The following TMEM130 variants were observed in gnomAD, a reference collection of about 807,000 sequenced individuals.
TMEM130 encodes the protein transmembrane protein 130.
In TMEM130, 37 loss-of-function variants were observed where a neutral mutation model predicts 42.9. The observed-to-expected ratio is 0.86, with a 90% CI of 0.66 to 1.13. TMEM130 has a LOEUF of 1.13. Ranked by LOEUF, TMEM130 falls within the 50% of genes most tolerant of loss-of-function variation. The probability of loss-of-function intolerance (pLI) is 0.00; values close to 1 mark genes in which losing one functional copy is unlikely to be tolerated. For synonymous variants in TMEM130, 259 were observed against 237.7 expected, an observed-to-expected ratio of 1.09 and a Z score of -0.82; for missense variants, 545 against 562.6, an observed-to-expected ratio of 0.97 and a Z score of 0.32.
intron 5 of TMEM130, among the ~76,000 whole-genome samples, chr7:98,852,382 G>A (rs972489878): frequency 1.2e-4 from 18 of 151,918 alleles, no homozygotes; most frequent in East Asian, 2.0e-4. Context: ...CGCCCGCCTC[G>A]GCCTCCCAAA....
intron 6 of TMEM130, among the ~76,000 whole-genome samples, chr7:98,849,284 T>A (rs1439371694): frequency 6.6e-6 from 1 of 152,182 alleles, no homozygotes; most frequent in Non-Finnish European, 1.5e-5. Context: ...GGCTACCTCA[T>A]GCTAATGCTG....
At chr7:98,867,721 G>T (rs993232508) in intron 1 of TMEM130, among the ~76,000 whole-genome samples, 1 of 152,110 alleles carries the variant, frequency 6.6e-6, no homozygotes, top group South Asian at 2.1e-4. Flanking sequence ...ATGGGAGCCC[G>T]CCGACTCCCC....
At chr7:98,863,588 TCA>T (rs782772512) in intron 1 of TMEM130, among the ~76,000 whole-genome samples, 188 bp from the exon 2 acceptor site, 7 of 151,920 alleles carry the variant, frequency 4.6e-5, no homozygotes, top group Non-Finnish European at 1.0e-4. Context: ...TGACTCCAAA[TCA>T]CAGTCTTTTC....
At chr7:98,859,523 G>A (rs1301592759) in intron 3 of TMEM130, among the ~76,000 whole-genome samples, 12 of 152,086 alleles carry the variant, frequency 7.9e-5, no homozygotes, top group South Asian at 4.1e-4. Context: ...ACCCCCAGTC[G>A]TGGCAGAGAG....
intron 1 of TMEM130, among the ~76,000 whole-genome samples, chr7:98,864,598 G>GT (rs1794868223): frequency 6.6e-6 from 1 of 150,498 alleles, no homozygotes. Flanking sequence ...CTCTGTCAGG[G>GT]TTAAAGGATC....
chr7:98,851,972 G>A (rs1185319711), intron 5 of TMEM130, among the ~76,000 whole-genome samples: 1 of 151,936 alleles, frequency 6.6e-6, no homozygotes, highest in Non-Finnish European at 1.5e-5. Flanking sequence ...TACGAGACAG[G>A]GACTCACTCT....
rs1293283791 is a variant in TMEM130, at chr7:98,869,465, A to G, written c.85+312T>C. On this transcript the variant is annotated intron_variant, in intron 1 of 7. Coordinates refer to ENST00000339375, the MANE Select transcript of TMEM130 (RefSeq NM_152913.3). The surrounding 1 kb of genome is among the most constrained non-coding windows in gnomAD (Gnocchi z 4.7). ...CGTCCTCCCCTCCCTTAGCGGGTGC[A>G]TGGTCCCCAGGCATCGACGGATGCG... 1.1e-6 allele frequency: 1 copy of G among 888,644 alleles called. No homozygotes were observed. The highest frequency in any genetic ancestry group is 6.2e-5 in the Admixed American group (1 of 16,140). The allele number at this position is 888,644 out of a possible 1,614,324, so 55.0% of individuals were successfully genotyped here.
chr7:98,865,334 G>C (rs1035462196), intron 1 of TMEM130, among the ~76,000 whole-genome samples: 1 of 152,208 alleles, frequency 6.6e-6, no homozygotes, highest in South Asian at 2.1e-4. Context: ...CTGGCCAGGC[G>C]TGGTGGCTCA....
In TMEM130 at chr7:98,860,320, A is replaced by G. The variant is rs1562909922; in HGVS notation, c.410T>C (p.Leu137Pro). The G allele has an allele frequency of 1.3e-6, 2 of 1,596,448 alleles. No individual in the cohort carries two copies. Among genetic ancestry groups the G allele is most frequent in the Non-Finnish European group, 1.7e-6 (2 of 1,169,812 alleles). The stretch of plus-strand genomic sequence containing the variant: ...TAGGGAAGTGTTCTGGGTGACAACA[A>G]GGTCCCCCACGAGGAACTCTGGGAG... ...LPITEFLVGD[L>P]VVTQNTSLPW... Residue 137 changes from leucine (L) to proline (P), a missense_variant, in exon 3 of 8, where the codon CTT becomes CCT. Leu to Pro is a moderately conservative substitution (Grantham distance 98). Transcript: ENST00000339375.
chr7:98,849,669 A>T (rs1554397903), intron 6 of TMEM130, among the ~76,000 whole-genome samples: 1 of 152,178 alleles, frequency 6.6e-6, no homozygotes, highest in Non-Finnish European at 1.5e-5. Flanking sequence ...CTTGAAGACA[A>T]GTGCAGCTGG....
At chr7:98,849,185 C>T (rs1794433138) in intron 6 of TMEM130, among the ~76,000 whole-genome samples, 1 of 152,148 alleles carries the variant, frequency 6.6e-6, no homozygotes. Flanking sequence ...CAGGCTCACC[C>T]AATAAACCTG....
chr7:98,862,994 C>T, intron 2 of TMEM130, 101 bp downstream of exon 2: 1 of 1,312,256 alleles, frequency 7.6e-7, no homozygotes, highest in Non-Finnish European at 1.0e-6. Flanking sequence ...CCCCCAGAAC[C>T]TACGGGCCTA....
chr7:98,852,588 T>C (rs1441561613), intron 5 of TMEM130, among the ~76,000 whole-genome samples: 1 of 151,684 alleles, frequency 6.6e-6, no homozygotes, highest in East Asian at 1.9e-4. Context: ...TTTGTTTGTT[T>C]TGTTTTTGTT....
intron 1 of TMEM130, among the ~76,000 whole-genome samples, chr7:98,864,908 A>G (rs1794873859): frequency 6.6e-6 from 1 of 152,094 alleles, no homozygotes. Context: ...CTCAAAAACA[A>G]AAGAAAACAA....
chr7:98,860,942 C>CAAAA (rs3066865), intron 2 of TMEM130, among the ~76,000 whole-genome samples: 7 of 69,500 alleles, frequency 1.0e-4, no homozygotes, highest in African/African-American at 1.7e-4. Context: ...GACTCTGTCT[C>CAAAA]AAAAAAAAAA....
chr7:98,851,329 C>G lies in TMEM130; in HGVS notation c.1006+92G>C, dbSNP rs1554398178. 7 of 1,339,306 alleles carry G rather than the reference C, an allele frequency of 5.2e-6. No individual in the cohort carries two copies. In the South Asian group the frequency reaches 8.8e-5, roughly 17 times the overall value. 83.0% of individuals were successfully genotyped at this position (1,339,306 alleles called of 1,614,324 possible). ...TTTGTTGCTGAGGACCTTGGTAAGG[C>G]TGGCTGGTAGGAGCGTATTGGTGGT... On this transcript the variant is annotated intron_variant, in intron 6 of 7. Transcript: ENST00000339375.
chr7:98,856,079 GGCTCCA>G lies in TMEM130; in HGVS notation c.650_655del (p.Val217_Pro219delinsAla). 1 of 1,613,808 alleles carries G rather than the reference GGCTCCA, an allele frequency of 6.2e-7. No individual in the cohort carries two copies. The highest frequency in any genetic ancestry group is 8.5e-7 in the Non-Finnish European group (1 of 1,180,010). The stretch of plus-strand genomic sequence containing the variant: ...CTGCTTCACAGCCCTCGTGGCATCC[GGCTCCA>G]CCTCTTCCCACTCCGCCACCACTTT... On this transcript the variant is annotated inframe_deletion, in exon 4 of 8. Coordinates refer to ENST00000339375, the MANE Select transcript of TMEM130 (RefSeq NM_152913.3).
At chr7:98,850,214 C>T (rs1794455292) in intron 6 of TMEM130, among the ~76,000 whole-genome samples, 1 of 139,538 alleles carries the variant, frequency 7.2e-6, no homozygotes, top group Non-Finnish European at 1.5e-5. Flanking sequence ...GCCACTCTCT[C>T]TCTCTCTCAA....
chr7:98,854,898 T>C (rs1031229558), intron 5 of TMEM130, among the ~76,000 whole-genome samples: 8 of 152,158 alleles, frequency 5.3e-5, no homozygotes, highest in Non-Finnish European at 8.8e-5. Flanking sequence ...TAGCCGGGCA[T>C]CGTGGAGTGC....
Sources: gnomAD v4.1 joint callset for allele counts (sites outside exome capture counted in the v4.1 genomes callset) on GRCh38, gnomAD v4.1.1 for gene constraint, Gnocchi (gnomAD v3.1) non-coding constraint, MANE v1.5 for transcripts, NCBI Gene and HGNC (gene_info 2026-07-23, HGNC 2026-07-21) for gene names.